CLMP: variants seen among roughly 807,000 people sequenced by gnomAD.
CLMP encodes CXADR-like membrane protein.
Under a neutral mutation model 45.2 loss-of-function variants are expected in CLMP, and 27 were observed. That is an observed-to-expected ratio of 0.60 (90% CI 0.44 to 0.82). CLMP has a LOEUF of 0.82. CLMP is among the 40% of genes least tolerant of loss of function. The probability of loss-of-function intolerance (pLI) is 0.00; values close to 1 mark genes in which losing one functional copy is unlikely to be tolerated. For missense variants in CLMP, 403 were observed against 448.4 expected (o/e 0.90, Z 0.91); for synonymous variants, 167 against 171.4 (o/e 0.97, Z 0.20).
rs948630284 is a variant in CLMP, at chr11:123,107,560, C to G, written c.29-9608G>C. Among the ~76,000 whole-genome samples the G allele has an allele frequency of 3.0e-5, 3 of 100,284 alleles. No homozygotes were observed. The Admixed American group carries it at 3.6e-4, about 12-fold the overall frequency. 65.8% of individuals were successfully genotyped at this position (100,284 alleles called of 152,430 possible). ...TTTTTTTTTTTTTTTTTTTCAGAAA[C>G]AGGGTTTCACTATGTTGCCCAGGCT... On this transcript the variant is annotated intron_variant, in intron 1 of 6. Coordinates refer to ENST00000448775, the MANE Select transcript of CLMP (RefSeq NM_024769.5).
At chr11:123,175,977 A>T (rs1403884433) in intron 1 of CLMP, among the ~76,000 whole-genome samples, 2 of 152,238 alleles carry the variant, frequency 1.3e-5, no homozygotes, top group Non-Finnish European at 2.9e-5. Flanking sequence ...AACTTAGGCC[A>T]CTGGTCCTTG....
intron 1 of CLMP, among the ~76,000 whole-genome samples, chr11:123,099,661 A>G (rs937208285): frequency 7.2e-5 from 11 of 151,950 alleles, no homozygotes; most frequent in Non-Finnish European, 1.5e-4. Flanking sequence ...GGGGGAGATG[A>G]TGGGATCAAA....
intron 1 of CLMP, among the ~76,000 whole-genome samples, chr11:123,137,043 CGT>C (rs1052338978): frequency 6.6e-6 from 1 of 152,014 alleles, no homozygotes; most frequent in East Asian, 1.9e-4. Flanking sequence ...TCCCGAGCCC[CGT>C]ATGTTTCCAT....
chr11:123,131,728 G>T (rs777691801), intron 1 of CLMP, among the ~76,000 whole-genome samples: 45 of 151,976 alleles, frequency 3.0e-4, no homozygotes, highest in Non-Finnish European at 6.2e-4. Flanking sequence ...TGATTCTCCT[G>T]CCTCAGCCTC....
intron 1 of CLMP, among the ~76,000 whole-genome samples, chr11:123,180,013 A>T (rs1861748605): frequency 6.6e-6 from 1 of 152,186 alleles, no homozygotes; most frequent in African/African-American, 2.4e-5. Flanking sequence ...CCCCAGGTAA[A>T]TTCTAAAACT....
chr11:123,125,422 G>A (rs1002897733), intron 1 of CLMP, among the ~76,000 whole-genome samples: 11 of 150,130 alleles, frequency 7.3e-5, no homozygotes, highest in African/African-American at 1.2e-4. Context: ...GATGTGGACC[G>A]GGGCCACGTT....
At chr11:123,191,608 T>A (rs1262253764) in intron 1 of CLMP, 1 of 152,246 alleles carries the variant, frequency 6.6e-6, no homozygotes, top group African/African-American at 2.4e-5. Flanking sequence ...GTGAATTTTT[T>A]AAAAATAGGA....
chr11:123,095,749 T>C (rs879288029), intron 2 of CLMP, among the ~76,000 whole-genome samples: 6 of 151,666 alleles, frequency 4.0e-5, no homozygotes, highest in Non-Finnish European at 5.9e-5. Context: ...GATGAGGGGG[T>C]TTCTGATTGA....
At position 123,073,157 on chromosome 11, in the gene CLMP, T is replaced by G. The variant is rs866784150; in HGVS notation, c.*317A>C. ...TACAAAATATCCCACATTAAAAGTT[T>G]TAGGTATATTCACCTCACCTTTCCC... On this transcript the variant is annotated 3_prime_UTR_variant, in exon 7 of 7. Transcript: ENST00000448775. The G allele has an allele frequency of 4.3e-6, 1 of 229,888 alleles. No homozygotes were observed. 14.2% of individuals were successfully genotyped at this position (229,888 alleles called of 1,614,324 possible). A position where few individuals can be genotyped will look rare whatever the true frequency, so the allele number is the denominator to read the frequency against.
At chr11:123,099,652 G>T (rs1866031995) in intron 1 of CLMP, among the ~76,000 whole-genome samples, 1 of 152,128 alleles carries the variant, frequency 6.6e-6, no homozygotes, top group African/African-American at 2.4e-5. Context: ...TGAGATGTTG[G>T]GGGAGATGAT....
chr11:123,075,635 C>T (rs76813965), intron 5 of CLMP, among the ~76,000 whole-genome samples: 9,629 of 151,000 alleles, frequency 0.064, 375 homozygotes, highest in East Asian at 0.13. Flanking sequence ...GATCCGCCCT[C>T]CTCGTTCTCC....
rs1270896771 is a variant in CLMP at position 123,070,096 on chromosome 11, A to G, written c.*3378T>C. On this transcript the variant is annotated 3_prime_UTR_variant, in exon 7 of 7. Transcript: ENST00000448775. ...ATACACTGTAACAACAAAGGTACCAACTTCCTTATTTCACAAATTTAAGTT... is the reference window on the plus strand; with the variant it reads ...ATACACTGTAACAACAAAGGTACCAGCTTCCTTATTTCACAAATTTAAGTT... The G allele has an allele frequency of 6.6e-6, 1 of 152,198 alleles. No homozygotes were observed. The highest frequency in any genetic ancestry group is 1.5e-5 in the Non-Finnish European group (1 of 68,032). The allele number at this position is 152,198 out of a possible 1,614,324, so 9.4% of individuals were successfully genotyped here.
rs1398806298 is a variant in CLMP, at chr11:123,190,244, T to A, written c.28+4669A>T. ...ACAGTGCCGCAGGGCAGTTCCAGGA[T>A]GGAGATTACTACTGTTTTCTTCCAA... On this transcript the variant is annotated intron_variant, in intron 1 of 6. Transcript: ENST00000448775. 2.0e-5 allele frequency among the ~76,000 whole-genome samples: 3 copies of A among 152,180 alleles called. No individual in the cohort carries two copies. The South Asian group carries it at 6.2e-4, about 31-fold the overall frequency.
At chr11:123,074,950 G>GTT in intron 5 of CLMP, 107 bp from the exon 6 acceptor site, 1 of 1,201,662 alleles carries the variant, frequency 8.3e-7, no homozygotes, top group Non-Finnish European at 1.1e-6. Context: ...TTGCAGGTTT[G>GTT]TTTGTTTTGT....
At chr11:123,181,180 T>C (rs1293003859) in intron 1 of CLMP, among the ~76,000 whole-genome samples, 1 of 152,178 alleles carries the variant, frequency 6.6e-6, no homozygotes, top group Non-Finnish European at 1.5e-5. Context: ...GGGTGAAAAC[T>C]GAGACCCAGA....
intron 1 of CLMP, among the ~76,000 whole-genome samples, chr11:123,124,393 C>G (rs939425631): frequency 6.6e-6 from 1 of 152,086 alleles, no homozygotes; most frequent in African/African-American, 2.4e-5. Context: ...TCACCCCTAC[C>G]CCACAAAACC....
intron 1 of CLMP, among the ~76,000 whole-genome samples, chr11:123,181,107 C>T (rs571255173): frequency 6.6e-6 from 1 of 152,330 alleles, no homozygotes; most frequent in African/African-American, 2.4e-5. Context: ...GAATACCACA[C>T]AGCGTGACCT....
chr11:123,175,322 A>C (rs1861684646), intron 1 of CLMP, among the ~76,000 whole-genome samples: 1 of 152,208 alleles, frequency 6.6e-6, no homozygotes, highest in Non-Finnish European at 1.5e-5. Flanking sequence ...AAGAGCAAAG[A>C]AGGAACTTCT....
intron 1 of CLMP, among the ~76,000 whole-genome samples, chr11:123,122,650 G>A (rs1860835245): frequency 1.3e-5 from 2 of 152,096 alleles, no homozygotes; most frequent in Admixed American, 1.3e-4. Flanking sequence ...AACCTTATCT[G>A]GGAAAAAGGT....
Sources: gnomAD v4.1 joint callset for allele counts (sites outside exome capture counted in the v4.1 genomes callset) on GRCh38, gnomAD v4.1.1 for gene constraint, MANE v1.5 for transcripts, NCBI Gene and HGNC (gene_info 2026-07-23, HGNC 2026-07-21) for gene names.